Variants in PCDHAC1 observed in about 807,000 individuals in gnomAD.
PCDHAC1 encodes the protein protocadherin alpha subfamily C, 1.
Under a neutral mutation model 60.0 loss-of-function variants are expected in PCDHAC1, and 42 were observed. The observed-to-expected ratio is 0.70, with a 90% CI of 0.55 to 0.90. The LOEUF (loss-of-function observed/expected upper bound fraction) is 0.90, where lower values mean the gene tolerates loss of function less well. Ranked by LOEUF, PCDHAC1 falls within the 40% of genes least tolerant of loss-of-function variation. PCDHAC1 has a pLI of 0.00. For synonymous variants in PCDHAC1, 468 were observed against 499.3 expected, an observed-to-expected ratio of 0.94 and a Z score of 0.84; for missense variants, 1,160 against 1,222.3, an observed-to-expected ratio of 0.95 and a Z score of 0.76.
chr5:140,926,672 C>T lies in PCDHAC1; in HGVS notation c.-221C>T, dbSNP rs2083457109. 1 of 583,596 alleles carries T rather than the reference C, an allele frequency of 1.7e-6. No individual in the cohort carries two copies. The highest frequency in any genetic ancestry group is 3.9e-5 in the Admixed American group (1 of 25,584). 36.2% of individuals were successfully genotyped at this position (583,596 alleles called of 1,614,324 possible). The stretch of plus-strand genomic sequence containing the variant: ...GGCTCCGCTTTCCCAGACGGCTGCC[C>T]AGCCTCCAGCCTAGCAAGCCCGGCT... On this transcript the variant is annotated 5_prime_UTR_variant, in exon 1 of 4. Coordinates refer to ENST00000253807, the MANE Select transcript of PCDHAC1 (RefSeq NM_018898.5).
At chr5:140,943,509 A>G (rs1053319828) in intron 1 of PCDHAC1, among the ~76,000 whole-genome samples, 1 of 152,132 alleles carries the variant, frequency 6.6e-6, no homozygotes, top group East Asian at 1.9e-4. Flanking sequence ...GGTTCATGGA[A>G]ATGTTGAGTT....
chr5:140,962,557 C>A (rs1554226125), intron 1 of PCDHAC1, among the ~76,000 whole-genome samples: 2 of 152,112 alleles, frequency 1.3e-5, no homozygotes, highest in Admixed American at 6.6e-5. Flanking sequence ...AGGATCTCCC[C>A]CTAAAAGCCA....
At chr5:140,963,911 T>C (rs2095797811) in intron 1 of PCDHAC1, among the ~76,000 whole-genome samples, 1 of 152,238 alleles carries the variant, frequency 6.6e-6, no homozygotes, top group African/African-American at 2.4e-5. Context: ...AAGTGAAGCT[T>C]AGGCTAAGTA....
At chr5:140,944,823 C>T (rs1246814273) in intron 1 of PCDHAC1, among the ~76,000 whole-genome samples, 1 of 152,148 alleles carries the variant, frequency 6.6e-6, no homozygotes, top group Non-Finnish European at 1.5e-5. Context: ...ATCTTTGCCC[C>T]ATAATTGTAA....
At chr5:140,934,771 A>G (rs1319115042) in intron 1 of PCDHAC1, among the ~76,000 whole-genome samples, 2 of 152,184 alleles carry the variant, frequency 1.3e-5, no homozygotes, top group Non-Finnish European at 2.9e-5. Context: ...CATATTTGAT[A>G]TGGCCCAATC....
intron 1 of PCDHAC1, among the ~76,000 whole-genome samples, chr5:140,941,284 TTCTCTTTC>T (rs1330714341): frequency 4.0e-5 from 5 of 124,574 alleles, no homozygotes; most frequent in African/African-American, 1.4e-4. Context: ...CTTCCTTCCT[TTCTCTTTC>T]TTTCTTTCTT....
At chr5:140,993,877 C>T (rs1457877493) in intron 3 of PCDHAC1, among the ~76,000 whole-genome samples, 4 of 152,150 alleles carry the variant, frequency 2.6e-5, no homozygotes, top group South Asian at 2.1e-4. Context: ...TGTGTAAGTA[C>T]GCTCTATGAT....
chr5:140,960,308 C>A (rs1387326739), intron 1 of PCDHAC1, among the ~76,000 whole-genome samples: 1 of 152,122 alleles, frequency 6.6e-6, no homozygotes, highest in African/African-American at 2.4e-5. Flanking sequence ...CAATACCAAC[C>A]TCATTAGGGT....
intron 1 of PCDHAC1, chr5:140,968,472 T>C (rs1554230782): frequency 6.2e-7 from 1 of 1,614,130 alleles, no homozygotes; most frequent in Non-Finnish European, 8.5e-7. Context: ...AACGTATATG[T>C]GGTGGACATG....
At chr5:140,953,988 A>G (rs1554221181) in intron 1 of PCDHAC1, among the ~76,000 whole-genome samples, 1 of 151,898 alleles carries the variant, frequency 6.6e-6, no homozygotes, top group African/African-American at 2.4e-5. Flanking sequence ...TCATATTTTC[A>G]TGTGTACTCA....
At chr5:140,991,843 T>G (rs2097475576) in intron 3 of PCDHAC1, among the ~76,000 whole-genome samples, 1 of 152,194 alleles carries the variant, frequency 6.6e-6, no homozygotes, top group Admixed American at 6.6e-5. Context: ...GAACCGCACT[T>G]CCAGATACCA....
At chr5:140,999,656 G>A (rs1483832540) in intron 3 of PCDHAC1, among the ~76,000 whole-genome samples, 2 of 152,148 alleles carry the variant, frequency 1.3e-5, no homozygotes, top group African/African-American at 4.8e-5. Context: ...CCTGAGCCCT[G>A]CTGGGTTGCG....
intron 3 of PCDHAC1, among the ~76,000 whole-genome samples, chr5:140,992,214 C>G (rs2097499658): frequency 6.6e-6 from 1 of 152,152 alleles, no homozygotes; most frequent in Non-Finnish European, 1.5e-5. Flanking sequence ...ATAAACTACT[C>G]TCCCTTCCTG....
intron 1 of PCDHAC1, chr5:140,968,901 T>A (rs1321022294): frequency 6.2e-7 from 1 of 1,614,106 alleles, no homozygotes; most frequent in Non-Finnish European, 8.5e-7. Flanking sequence ...ATAATAGCAT[T>A]AAGCACAGTG....
At chr5:140,961,271 AC>A (rs1460316643) in intron 1 of PCDHAC1, among the ~76,000 whole-genome samples, 1 of 152,208 alleles carries the variant, frequency 6.6e-6, no homozygotes, top group Non-Finnish European at 1.5e-5. Context: ...GCTTCTTTTT[AC>A]CATGGCTCTG....
At chr5:140,997,792 T>C (rs1279010273) in intron 3 of PCDHAC1, among the ~76,000 whole-genome samples, 1 of 152,160 alleles carries the variant, frequency 6.6e-6, no homozygotes, top group African/African-American at 2.4e-5. Context: ...TATATTATAA[T>C]TTATCCAATT....
chr5:140,996,803 G>A (rs2097746425), intron 3 of PCDHAC1, among the ~76,000 whole-genome samples: 1 of 152,224 alleles, frequency 6.6e-6, no homozygotes, highest in African/African-American at 2.4e-5. Flanking sequence ...ATCCAATCAT[G>A]CTTTCCAAAA....
intron 3 of PCDHAC1, among the ~76,000 whole-genome samples, chr5:141,000,102 C>T (rs537991787): frequency 8.5e-5 from 13 of 152,172 alleles, no homozygotes; most frequent in East Asian, 5.8e-4. Context: ...AGCTCAACTC[C>T]GTCTCTTCCC....
At position 140,926,805 on chromosome 5, in the gene PCDHAC1, G is replaced by T. The variant is rs1383202456; in HGVS notation, c.-88G>T. The T allele has an allele frequency of 2.1e-6, 3 of 1,452,468 alleles. No homozygotes were observed. The highest frequency in any genetic ancestry group is 5.0e-5 in the East Asian group (2 of 40,248). 90.0% of individuals were successfully genotyped at this position (1,452,468 alleles called of 1,614,324 possible). A position where few individuals can be genotyped will look rare whatever the true frequency, so the allele number is the denominator to read the frequency against. ...GGCCGGCAGGAGCGTGCTCTTCCCC[G>T]CGGCTCGTGCTCTCCAGGAGTCCGG... On this transcript the variant is annotated 5_prime_UTR_variant, in exon 1 of 4. Transcript: ENST00000253807.
Sources: gnomAD v4.1 joint callset for allele counts (sites outside exome capture counted in the v4.1 genomes callset) on GRCh38, gnomAD v4.1.1 for gene constraint, MANE v1.5 for transcripts, NCBI Gene and HGNC (gene_info 2026-07-23, HGNC 2026-07-21) for gene names.